Variants in ANXA6 observed in about 807,000 individuals in gnomAD.
ANXA6 encodes the protein annexin A6, also known as 67 kDa calelectrin.
Under a neutral mutation model 95.4 loss-of-function variants are expected in ANXA6, and 71 were observed. The ratio of observed to expected loss-of-function variants is 0.74; its 90% CI spans 0.61 to 0.91. The LOEUF is 0.91. Among genes scored for constraint, ANXA6 ranks in the 40% least tolerant of loss-of-function variants. The pLI is 0.00. For missense variants in ANXA6, 830 were observed against 876.4 expected (o/e 0.95, Z 0.67); for synonymous variants, 289 against 315.9 (o/e 0.91, Z 0.90).
chr5:151,155,305 C>T (rs1359426103), intron 1 of ANXA6: 2 of 152,186 alleles, frequency 1.3e-5, no homozygotes, highest in African/African-American at 4.8e-5. Context: ...ACTTGAGGCT[C>T]AGGTCGCCTG....
chr5:151,148,771 G>T (rs1766032248), intron 1 of ANXA6, among the ~76,000 whole-genome samples: 1 of 152,108 alleles, frequency 6.6e-6, no homozygotes, highest in Middle Eastern at 3.2e-3. Flanking sequence ...GCACACCGCG[G>T]GGTGGTGCAA....
rs192185066 is a variant in ANXA6 at position 151,144,968 on chromosome 5, C to A, written c.18+2916G>T. ...CACCGTGTCATTCTCACACCAACTT[C>A]ATGAATTCTGCATCTCTAAGCGCCA... On this transcript the variant is annotated intron_variant, in intron 2 of 25. Coordinates refer to ENST00000354546, the MANE Select transcript of ANXA6 (RefSeq NM_001155.5). Among the ~76,000 whole-genome samples the A allele has an allele frequency of 3.9e-5, 6 of 152,282 alleles. No individual in the cohort carries two copies. The East Asian group carries it at 1.2e-3, about 29-fold the overall frequency.
At chr5:151,153,234 T>TTTCCA (rs1766151199) in intron 1 of ANXA6, among the ~76,000 whole-genome samples, 1 of 152,258 alleles carries the variant, frequency 6.6e-6, no homozygotes, top group Admixed American at 6.5e-5. Context: ...TTCCAGAATC[T>TTTCCA]ATACCAGTGC....
intron 5 of ANXA6, among the ~76,000 whole-genome samples, chr5:151,137,987 G>A (rs962785840): frequency 6.6e-6 from 1 of 152,288 alleles, no homozygotes; most frequent in East Asian, 1.9e-4. Flanking sequence ...TCTGTAAAAT[G>A]TAGATGATAT....
chr5:151,101,216 G>A lies in ANXA6; in HGVS notation c.*232C>T. 1.6e-6 allele frequency: 1 copy of A among 611,290 alleles called. No individual in the cohort carries two copies. The highest frequency in any genetic ancestry group is 1.9e-5 in the South Asian group (1 of 53,520). 37.9% of individuals were successfully genotyped at this position (611,290 alleles called of 1,614,324 possible). A position where few individuals can be genotyped will look rare whatever the true frequency, so the allele number is the denominator to read the frequency against. ...AGCCTGAGGGTCAGAGGGGAGTGGA[G>A]GTGGACAGGATCTATGGCTACGGTT... is the stretch of plus-strand genomic sequence containing the variant. On this transcript the variant is annotated 3_prime_UTR_variant, in exon 26 of 26. Coordinates refer to ENST00000354546, the MANE Select transcript of ANXA6 (RefSeq NM_001155.5).
intron 9 of ANXA6, 105 bp from the exon 10 acceptor site, chr5:151,132,676 AC>A: frequency 1.1e-6 from 1 of 915,252 alleles, no homozygotes; most frequent in African/African-American, 1.7e-5. Flanking sequence ...ACGACTGTCC[AC>A]CATGAAGCTA....
chr5:151,139,047 ACTGT>A, intron 4 of ANXA6: 1 of 593,468 alleles, frequency 1.7e-6, no homozygotes, highest in East Asian at 2.8e-5. Context: ...CTTCCCCACC[ACTGT>A]CTGTTTCCTC....
At chr5:151,112,101 A>G (rs1764866663) in intron 20 of ANXA6, among the ~76,000 whole-genome samples, 1 of 152,072 alleles carries the variant, frequency 6.6e-6, no homozygotes, top group Admixed American at 6.6e-5. Flanking sequence ...CATTTTTCAT[A>G]CTAGAGAAAA....
chr5:151,108,726 C>T (rs1764767562), intron 22 of ANXA6, among the ~76,000 whole-genome samples, 176 bp from the exon 23 acceptor site: 1 of 152,260 alleles, frequency 6.6e-6, no homozygotes, highest in Non-Finnish European at 1.5e-5. Flanking sequence ...GATAGAGAAG[C>T]TCTGACATCA....
intron 23 of ANXA6, 87 bp from the exon 24 acceptor site, chr5:151,105,390 C>T (rs1196333417): frequency 4.5e-5 from 53 of 1,174,206 alleles, no homozygotes; most frequent in Non-Finnish European, 5.9e-5. Flanking sequence ...CTCCCCACCT[C>T]GTCTATCCCT....
intron 17 of ANXA6, among the ~76,000 whole-genome samples, chr5:151,120,328 T>C (rs993952469): frequency 6.6e-6 from 1 of 150,818 alleles, no homozygotes; most frequent in Admixed American, 6.6e-5. Flanking sequence ...ATTGACTGAA[T>C]GAGTCAATGA....
chr5:151,144,588 A>T (rs774611513), intron 2 of ANXA6, among the ~76,000 whole-genome samples: 14 of 152,012 alleles, frequency 9.2e-5, no homozygotes, highest in Non-Finnish European at 1.9e-4. Flanking sequence ...CGCAGACCCC[A>T]ATTTCCTATT....
chr5:151,107,449 A>C (rs1230671727), intron 23 of ANXA6, among the ~76,000 whole-genome samples: 1 of 152,150 alleles, frequency 6.6e-6, no homozygotes, highest in Non-Finnish European at 1.5e-5. Flanking sequence ...CCCGCCTCCT[A>C]GATATTGCTC....
intron 19 of ANXA6, 106 bp from the exon 20 acceptor site, chr5:151,117,286 C>T (rs976231084): frequency 8.5e-7 from 1 of 1,177,946 alleles, no homozygotes; most frequent in East Asian, 2.7e-5. Flanking sequence ...TGCTCTTCCT[C>T]ATCAGCTACA....
chr5:151,114,613 T>TA (rs61407672), intron 20 of ANXA6, among the ~76,000 whole-genome samples: 1,097 of 70,288 alleles, frequency 0.016, 37 homozygotes, highest in African/African-American at 0.017. Flanking sequence ...GACTCCGTCT[T>TA]AAAAAAAAAA....
At position 151,108,462 on chromosome 5, in the gene ANXA6, C is replaced by T; in HGVS notation, c.1773G>A (p.Val591=). 6.2e-7 allele frequency: 1 copy of T among 1,613,824 alleles called. No individual in the cohort carries two copies. The highest frequency in any genetic ancestry group is 8.5e-7 in the Non-Finnish European group (1 of 1,179,764). Residue 591 remains valine (V), a synonymous_variant, in exon 23 of 26, where the codon GTG becomes GTA. Transcript: ENST00000354546. ...TTAGTCCCTGCCAGTTACCAATGGC[C>T]ACAAATGCATCCCTGACATCCCCAG... ...EMSGDVRDAF[V]AIVQSVKNKP... is the part of the protein sequence containing the mutation.
chr5:151,108,808 C>T (rs576819556), intron 22 of ANXA6, among the ~76,000 whole-genome samples: 3 of 152,208 alleles, frequency 2.0e-5, no homozygotes, highest in Non-Finnish European at 4.4e-5. Flanking sequence ...CTTAGAACCT[C>T]GGCCAAGTTC....
In ANXA6 at chr5:151,125,341, CAAAA is replaced by C. The variant is rs34691391; in HGVS notation, c.1057-978_1057-975del. ...TGGATAACAGAGTGAGACCCTGTCT[CAAAA>C]AAAAAAAAAAAAAAAGGAATGGATG... On this transcript the variant is annotated intron_variant, in intron 14 of 25. Transcript: ENST00000354546. Among the ~76,000 whole-genome samples, 424 of 118,208 alleles carry C rather than the reference CAAAA, an allele frequency of 3.6e-3. 11 individuals carry two copies. In the East Asian group the frequency reaches 0.041, roughly 11 times the overall value. The allele number at this position is 118,208 out of a possible 152,430, so 77.5% of individuals were successfully genotyped here. A position where few individuals can be genotyped will look rare whatever the true frequency, so the allele number is the denominator to read the frequency against.
Position 151,128,162 on chromosome 5 carries a change from G to A in ANXA6, c.977+19C>T, listed in dbSNP as rs2113925737. On this transcript the variant is annotated intron_variant, in intron 13 of 25. Transcript: ENST00000354546. ...CCCCAAGGCCATGCCCTCCAGCCAGGGGCCAAGAAGCCACTTACTCATCAT... is the reference window on the plus strand; with the variant it reads ...CCCCAAGGCCATGCCCTCCAGCCAGAGGCCAAGAAGCCACTTACTCATCAT... The A allele has an allele frequency of 1.2e-6, 2 of 1,608,464 alleles. No homozygotes were observed. Among genetic ancestry groups the A allele is most frequent in the Non-Finnish European group, 1.7e-6 (2 of 1,177,232 alleles).
Sources: allele counts gnomAD v4.1 joint callset (sites outside exome capture counted in the v4.1 genomes callset), GRCh38; gene constraint gnomAD v4.1.1; transcripts MANE v1.5; gene names NCBI Gene and HGNC (gene_info 2026-07-23, HGNC 2026-07-21).